Variants in DAPP1 observed in about 807,000 individuals in gnomAD.
DAPP1 encodes the protein dual adaptor of phosphotyrosine and 3-phosphoinositides 1.
Under a neutral mutation model 41.5 loss-of-function variants are expected in DAPP1, and 20 were observed. The ratio of observed to expected loss-of-function variants is 0.48; its 90% CI spans 0.34 to 0.70. The LOEUF (loss-of-function observed/expected upper bound fraction) is 0.70. Ranked by LOEUF, DAPP1 falls within the 30% of genes least tolerant of loss-of-function variation. DAPP1 has a pLI of 0.01. For synonymous variants in DAPP1, 113 were observed against 116.2 expected (o/e 0.97, Z 0.18); for missense variants, 233 against 333.4 (o/e 0.70, Z 2.35).
intron 4 of DAPP1, among the ~76,000 whole-genome samples, chr4:99,857,490 C>T (rs1358308048): frequency 1.3e-5 from 2 of 152,148 alleles, no homozygotes; most frequent in African/African-American, 2.4e-5. Flanking sequence ...ACAACTCCCT[C>T]CTTCTAAAAA....
chr4:99,866,052 G>T lies in DAPP1; in HGVS notation c.705G>T (p.Arg235Ser). Residue 235 changes from arginine to serine, a missense_variant, in exon 8 of 9, where the codon AGG (arginine) becomes AGT (serine). Coordinates refer to ENST00000512369, the MANE Select transcript of DAPP1 (RefSeq NM_014395.3). ...VNCFCLVFPFRTFYLCAKTGV... is the reference protein window; with the variant it reads ...VNCFCLVFPFSTFYLCAKTGV... ...CTATTAGTTTGGTATTTCCATTCAGGACATTTTATCTCTGTGCAAAGACCG... is the reference window on the plus strand; with the variant it reads ...CTATTAGTTTGGTATTTCCATTCAGTACATTTTATCTCTGTGCAAAGACCG... The T allele has an allele frequency of 6.4e-7, 1 of 1,563,842 alleles. No individual in the cohort carries two copies. The highest frequency in any genetic ancestry group is 1.7e-4 in the Middle Eastern group (1 of 5,774).
At chr4:99,820,562 G>A (rs1379299371) in intron 1 of DAPP1, among the ~76,000 whole-genome samples, 1 of 152,216 alleles carries the variant, frequency 6.6e-6, no homozygotes, top group African/African-American at 2.4e-5. Context: ...CCAGTGTTTG[G>A]CTGGATTGGC....
At chr4:99,822,181 G>A (rs1481532585) in intron 1 of DAPP1, among the ~76,000 whole-genome samples, 1 of 152,178 alleles carries the variant, frequency 6.6e-6, no homozygotes, top group African/African-American at 2.4e-5. Flanking sequence ...TCCAAAGGGT[G>A]ACTTCCTTCT....
chr4:99,866,540 A>C (rs778622309), intron 8 of DAPP1: 1 of 765,716 alleles, frequency 1.3e-6, no homozygotes, highest in South Asian at 1.3e-5. Flanking sequence ...TTCCAATGTA[A>C]GCATCACTTT....
Position 99,868,445 on chromosome 4 carries a change from T to C in DAPP1, c.*260T>C. ...CTTAAACCACCACTCTTAGGTCTGC[T>C]CACTCTTAGAACACACAATGGAAGA... On this transcript the variant is annotated 3_prime_UTR_variant, in exon 9 of 9. Transcript: ENST00000512369. The C allele has an allele frequency of 2.0e-6, 1 of 490,814 alleles. No homozygotes were observed. Among genetic ancestry groups the C allele is most frequent in the East Asian group, 3.7e-5 (1 of 26,844 alleles). 30.4% of individuals were successfully genotyped at this position (490,814 alleles called of 1,614,324 possible).
At chr4:99,850,268 G>A (rs757888390) in intron 3 of DAPP1, among the ~76,000 whole-genome samples, 8 of 151,968 alleles carry the variant, frequency 5.3e-5, no homozygotes, top group Non-Finnish European at 8.8e-5. Context: ...AAATTGGCCC[G>A]GTGTGGTGGT....
intron 3 of DAPP1, among the ~76,000 whole-genome samples, chr4:99,845,396 C>T (rs984237849): frequency 8.5e-5 from 13 of 152,236 alleles, no homozygotes; most frequent in African/African-American, 3.1e-4. Context: ...TAACCTGGTC[C>T]TGAAGCATAG....
intron 6 of DAPP1, 99 bp from the exon 7 acceptor site, chr4:99,863,671 C>A: frequency 1.3e-6 from 1 of 759,218 alleles, no homozygotes; most frequent in Non-Finnish European, 2.1e-6. Context: ...GACAATTGCA[C>A]ATAGTGGAAA....
chr4:99,866,762 TTCTA>T, intron 8 of DAPP1: 1 of 544,794 alleles, frequency 1.8e-6, no homozygotes, highest in South Asian at 2.5e-5. Flanking sequence ...ATTTCTTTTT[TTCTA>T]TTTTTTTTTT....
At chr4:99,830,700 TC>T (rs1723092799) in intron 1 of DAPP1, among the ~76,000 whole-genome samples, 1 of 152,138 alleles carries the variant, frequency 6.6e-6, no homozygotes, top group African/African-American at 2.4e-5. Context: ...ATGTTATATC[TC>T]CCTGAACAAC....
chr4:99,844,856 C>A (rs1186662904), intron 3 of DAPP1, among the ~76,000 whole-genome samples: 1 of 152,168 alleles, frequency 6.6e-6, no homozygotes, highest in Non-Finnish European at 1.5e-5. Context: ...TTTTGTGACA[C>A]CACCCAGGTG....
chr4:99,841,222 C>T (rs1723484238), intron 3 of DAPP1, among the ~76,000 whole-genome samples: 2 of 152,172 alleles, frequency 1.3e-5, no homozygotes, highest in African/African-American at 4.8e-5. Context: ...TTTGTACATA[C>T]GTGTTTTCTT....
intron 4 of DAPP1, among the ~76,000 whole-genome samples, chr4:99,856,750 A>G (rs919313669): frequency 5.3e-5 from 8 of 152,200 alleles, no homozygotes; most frequent in African/African-American, 1.9e-4. Context: ...TAAGCGTTGA[A>G]AAATAGTTTG....
At chr4:99,830,818 G>A (rs2110139325) in intron 1 of DAPP1, among the ~76,000 whole-genome samples, 1 of 151,946 alleles carries the variant, frequency 6.6e-6, no homozygotes, top group African/African-American at 2.4e-5. Context: ...TCACCTAAGT[G>A]CCTAGGCCAG....
In DAPP1 at chr4:99,835,751, G is replaced by C; in HGVS notation, c.224+6G>C. On this transcript the variant is annotated splice_donor_region_variant and intron_variant, in intron 2 of 8. Coordinates refer to ENST00000512369, the MANE Select transcript of DAPP1 (RefSeq NM_014395.3). Reference sequence around the variant, plus strand: ...CTGTACTCTCTCTCTGTGAGGTAAGGTGCTTCAGGGCTCTACGACTTCAGC... The same window carrying C: ...CTGTACTCTCTCTCTGTGAGGTAAGCTGCTTCAGGGCTCTACGACTTCAGC... 1 of 1,613,612 alleles carries C rather than the reference G, an allele frequency of 6.2e-7. No individual in the cohort carries two copies. The highest frequency in any genetic ancestry group is 8.5e-7 in the Non-Finnish European group (1 of 1,179,694).
chr4:99,824,470 G>C (rs1265142454), intron 1 of DAPP1, among the ~76,000 whole-genome samples: 1 of 152,172 alleles, frequency 6.6e-6, no homozygotes, highest in Non-Finnish European at 1.5e-5. Context: ...GTTGGTTAGA[G>C]GTATCGCCTA....
intron 1 of DAPP1, among the ~76,000 whole-genome samples, chr4:99,823,602 G>A (rs1445981656): frequency 6.6e-6 from 1 of 152,140 alleles, no homozygotes; most frequent in Non-Finnish European, 1.5e-5. Flanking sequence ...CCCTCTGAAA[G>A]CATGGATATT....
In DAPP1 at chr4:99,822,543, A is replaced by G. The variant is rs139584037; in HGVS notation, c.101+5529A>G. On this transcript the variant is annotated intron_variant, in intron 1 of 8. Coordinates refer to ENST00000512369, the MANE Select transcript of DAPP1 (RefSeq NM_014395.3). ...AAAAGGTGAAATTTTCTACAGAGAA[A>G]ATGGCCTGAATAAAGGAGTGATGGT... Among the ~76,000 whole-genome samples the G allele has an allele frequency of 9.9e-3, 1,514 of 152,216 alleles. 31 individuals are homozygous for G. Among genetic ancestry groups the G allele is most frequent in the African/African-American group, 0.034 (1,423 of 41,530 alleles).
intron 3 of DAPP1, among the ~76,000 whole-genome samples, chr4:99,842,852 C>CTTTTTTT (rs1297681743): frequency 2.2e-5 from 3 of 137,660 alleles, no homozygotes; most frequent in Non-Finnish European, 3.1e-5. Context: ...ATATTTCTTT[C>CTTTTTTT]TTTTTTTTTT....
Sources: gnomAD v4.1 joint callset for allele counts (sites outside exome capture counted in the v4.1 genomes callset) on GRCh38, gnomAD v4.1.1 for gene constraint, MANE v1.5 for transcripts, NCBI Gene and HGNC (gene_info 2026-07-23, HGNC 2026-07-21) for gene names.